CFAP299: variants seen among roughly 807,000 people sequenced by gnomAD.
CFAP299 encodes the protein cilia and flagella associated protein 299.
In CFAP299, 21 loss-of-function variants were observed where a neutral mutation model predicts 27.0. The observed-to-expected ratio is 0.78, with a 90% confidence interval of 0.55 to 1.12. The LOEUF is 1.12. Ranked by LOEUF, CFAP299 falls within the 50% of genes most tolerant of loss-of-function variation. CFAP299 has a pLI of 0.00. For missense variants in CFAP299, 310 were observed against 276.6 expected (o/e 1.12, Z -0.86); for synonymous variants, 104 against 98.1 (o/e 1.06, Z -0.36).
At chr4:80,421,131 C>T (rs2110069843) in intron 2 of CFAP299, among the ~76,000 whole-genome samples, 1 of 152,254 alleles carries the variant, frequency 6.6e-6, no homozygotes, top group East Asian at 1.9e-4. Context: ...TTCACGTGGC[C>T]TTCCTTGATA....
In CFAP299 at chr4:80,724,135, C is replaced by T. The variant is rs147636630; in HGVS notation, c.333+140952C>T. ...AAATGTCACTAAAATATATTCATTA[C>T]AAATTTGACTATAAATTTGTATTGT... On this transcript the variant is annotated intron_variant, in intron 3 of 5. Transcript: ENST00000358105. 2.6e-3 allele frequency among the ~76,000 whole-genome samples: 395 copies of T among 152,090 alleles called. 3 individuals are homozygous for T. The highest frequency in any genetic ancestry group is 9.2e-3 in the African/African-American group (382 of 41,488).
At chr4:80,944,064 C>A (rs1737342520) in intron 4 of CFAP299, among the ~76,000 whole-genome samples, 2 of 144,392 alleles carry the variant, frequency 1.4e-5, no homozygotes, top group African/African-American at 2.6e-5. Flanking sequence ...GACTCCATCT[C>A]AATAAATAAA....
intron 3 of CFAP299, among the ~76,000 whole-genome samples, chr4:80,748,569 ATT>A (rs1215211298): frequency 1.3e-5 from 2 of 152,142 alleles, no homozygotes; most frequent in Non-Finnish European, 2.9e-5. Flanking sequence ...GGTTCAAAAC[ATT>A]TTTATTGAAT....
intron 2 of CFAP299, among the ~76,000 whole-genome samples, chr4:80,553,539 A>C (rs1033930346): frequency 2.0e-5 from 3 of 152,158 alleles, no homozygotes; most frequent in Non-Finnish European, 4.4e-5. Flanking sequence ...GGGATTGCTG[A>C]GTTGAATGGT....
chr4:80,334,401 C>T (rs1414317290), upstream of CFAP299, among the ~76,000 whole-genome samples: 1 of 152,064 alleles, frequency 6.6e-6, no homozygotes, highest in African/African-American at 2.4e-5. Context: ...CCTCAGCTTC[C>T]TGAGTAGCTG....
intron 3 of CFAP299, among the ~76,000 whole-genome samples, chr4:80,654,620 AT>A (rs1740463967): frequency 6.6e-6 from 1 of 151,948 alleles, no homozygotes; most frequent in African/African-American, 2.4e-5. Context: ...GCTTTTTGAG[AT>A]GAGGGAATGG....
At chr4:80,535,955 G>A (rs981669369) in intron 2 of CFAP299, among the ~76,000 whole-genome samples, 1 of 152,178 alleles carries the variant, frequency 6.6e-6, no homozygotes, top group African/African-American at 2.4e-5. Context: ...GGATCATCAA[G>A]CTAGGGAGAG....
At chr4:80,430,617 T>C (rs76710615) in intron 2 of CFAP299, among the ~76,000 whole-genome samples, 1 of 152,304 alleles carries the variant, frequency 6.6e-6, no homozygotes, top group East Asian at 1.9e-4. Context: ...TAGTCTTCAA[T>C]CAGATCTCTC....
chr4:80,616,945 A>C (rs1246263538), intron 3 of CFAP299, among the ~76,000 whole-genome samples: 1 of 152,168 alleles, frequency 6.6e-6, no homozygotes, highest in African/African-American at 2.4e-5. Context: ...TTGCTAATGG[A>C]AGAATACCTC....
intron 3 of CFAP299, among the ~76,000 whole-genome samples, chr4:80,664,434 C>T (rs1741035260): frequency 6.6e-6 from 1 of 152,154 alleles, no homozygotes; most frequent in Non-Finnish European, 1.5e-5. Flanking sequence ...CAGAGATGCC[C>T]TGCCCAGAGA....
intron 3 of CFAP299, among the ~76,000 whole-genome samples, chr4:80,729,698 C>T (rs1723387907): frequency 7.0e-6 from 1 of 143,504 alleles, no homozygotes; most frequent in African/African-American, 2.6e-5. Flanking sequence ...CTTCCGGGTT[C>T]ATGCCATTCT....
At chr4:80,946,532 T>C (rs1737486411) in intron 5 of CFAP299, among the ~76,000 whole-genome samples, 1 of 152,152 alleles carries the variant, frequency 6.6e-6, no homozygotes, top group African/African-American at 2.4e-5. Context: ...AGCTGGGAAA[T>C]ATAATCTTTA....
At chr4:80,504,372 G>A (rs971488760) in intron 2 of CFAP299, among the ~76,000 whole-genome samples, 1 of 145,934 alleles carries the variant, frequency 6.9e-6, no homozygotes, top group Non-Finnish European at 1.5e-5. Context: ...TTCTTGCCTG[G>A]GATTTTTCTT....
the CFAP299 span, among the ~76,000 whole-genome samples, chr4:80,328,601 TA>T: frequency 2.8e-4 from 43 of 151,676 alleles, no homozygotes; most frequent in East Asian, 1.5e-3. Context: ...AAAATAGACT[TA>T]AAAAAAAGAA....
At chr4:80,648,042 G>A (rs568449639) in intron 3 of CFAP299, among the ~76,000 whole-genome samples, 9 of 152,168 alleles carry the variant, frequency 5.9e-5, no homozygotes, top group Non-Finnish European at 1.0e-4. Flanking sequence ...GGGTGACAGA[G>A]GGAGAGACTC....
At position 80,933,759 on chromosome 4, in the gene CFAP299, A is replaced by T. The variant is rs187993555; in HGVS notation, c.477-11051A>T. 4.0e-3 allele frequency among the ~76,000 whole-genome samples: 615 copies of T among 152,218 alleles called. 1 individual carries two copies. The highest frequency in any genetic ancestry group is 0.014 in the Middle Eastern group (4 of 294). On this transcript the variant is annotated intron_variant, in intron 4 of 5. Coordinates refer to ENST00000358105, the MANE Select transcript of CFAP299 (RefSeq NM_152770.3). ...TATTGTTAATGTATATAAATGCAAC[A>T]GAACTTTTATTATTGATTTTATCCT...
At chr4:80,452,507 G>T (rs963794044) in intron 2 of CFAP299, among the ~76,000 whole-genome samples, 3 of 152,084 alleles carry the variant, frequency 2.0e-5, no homozygotes, top group African/African-American at 7.2e-5. Flanking sequence ...GCTAAGTTAG[G>T]TTAACATACT....
In CFAP299 at chr4:80,549,652, G is replaced by A. The variant is rs146381743; in HGVS notation, c.243-33441G>A. Among the ~76,000 whole-genome samples the A allele has an allele frequency of 2.4e-4, 37 of 152,194 alleles. No individual in the cohort carries two copies. The East Asian group carries it at 6.0e-3, about 25-fold the overall frequency. On this transcript the variant is annotated intron_variant, in intron 2 of 5. Transcript: ENST00000358105. ...CACGTTTTTGATGAAGTTCTTGTAG[G>A]CCCAGACTTCTACTGAACATACTTT... is the stretch of plus-strand genomic sequence containing the variant.
At chr4:80,867,427 C>G (rs772026608) in intron 3 of CFAP299, among the ~76,000 whole-genome samples, 1 of 151,988 alleles carries the variant, frequency 6.6e-6, no homozygotes, top group Non-Finnish European at 1.5e-5. Context: ...GTTATTTATA[C>G]TTATTACAAA....
Sources: gnomAD v4.1 joint callset for allele counts (sites outside exome capture counted in the v4.1 genomes callset) on GRCh38, gnomAD v4.1.1 for gene constraint, MANE v1.5 for transcripts, NCBI Gene and HGNC (gene_info 2026-07-23, HGNC 2026-07-21) for gene names.